Variants in AKAP6 observed in about 807,000 individuals in gnomAD.
AKAP6 encodes A-kinase anchoring protein 6, also known as A-kinase anchor protein 6.
AKAP6 carries 58 observed loss-of-function variants against 188.5 expected under a neutral mutation model. The ratio of observed to expected loss-of-function variants is 0.31; its 90% CI spans 0.25 to 0.38. AKAP6 has a LOEUF of 0.38. Among genes scored for constraint, AKAP6 ranks in the 10% least tolerant of loss-of-function variants. The probability of loss-of-function intolerance (pLI) is 1.00; values close to 1 mark genes in which losing one functional copy is unlikely to be tolerated. For missense variants in AKAP6, 2,710 were observed against 2,740.0 expected (o/e 0.99, Z 0.24); for synonymous variants, 989 against 998.6 (o/e 0.99, Z 0.18).
intron 1 of AKAP6, among the ~76,000 whole-genome samples, chr14:32,430,039 G>A (rs971555554): frequency 1.3e-5 from 2 of 152,228 alleles, no homozygotes; most frequent in African/African-American, 2.4e-5. Flanking sequence ...CACAAAACGT[G>A]TAAATAATGA....
At chr14:32,634,967 G>A (rs775527850) in intron 7 of AKAP6, among the ~76,000 whole-genome samples, 79 of 151,784 alleles carry the variant, frequency 5.2e-4, no homozygotes, top group African/African-American at 2.4e-4. Flanking sequence ...CTTTAGCGGC[G>A]CTTTCTGAGA....
chr14:32,420,909 T>TGTGTGTGTG (rs1889820232), intron 1 of AKAP6, among the ~76,000 whole-genome samples: 1 of 146,410 alleles, frequency 6.8e-6, no homozygotes, highest in Admixed American at 6.9e-5. Flanking sequence ...GGAGATTGAT[T>TGTGTGTGTG]TGTGTGTGTG....
chr14:32,330,775 C>T (rs112712248), intron 1 of AKAP6, among the ~76,000 whole-genome samples: 6 of 125,638 alleles, frequency 4.8e-5, no homozygotes, highest in African/African-American at 1.6e-4. Context: ...TCCCATTAGG[C>T]ACCAGCCAGA....
chr14:32,373,161 C>T (rs891881567), intron 1 of AKAP6, among the ~76,000 whole-genome samples: 3 of 151,822 alleles, frequency 2.0e-5, no homozygotes, highest in East Asian at 3.9e-4. Flanking sequence ...TAGACAGAGC[C>T]GATTCATCAG....
intron 1 of AKAP6, among the ~76,000 whole-genome samples, chr14:32,363,312 A>G (rs745702329): frequency 1.8e-4 from 27 of 152,204 alleles, no homozygotes; most frequent in Non-Finnish European, 3.5e-4. Flanking sequence ...TGTATTAGTC[A>G]GGGTTCTCTA....
intron 1 of AKAP6, among the ~76,000 whole-genome samples, chr14:32,421,930 C>A (rs952525690): frequency 1.5e-4 from 23 of 152,152 alleles, no homozygotes; most frequent in African/African-American, 4.8e-4. Context: ...TTCAGAATGT[C>A]TGCATTAATT....
At chr14:32,342,048 T>C (rs1886906437) in intron 1 of AKAP6, among the ~76,000 whole-genome samples, 1 of 152,004 alleles carries the variant, frequency 6.6e-6, no homozygotes, top group Non-Finnish European at 1.5e-5. Flanking sequence ...CTCTCTTGAG[T>C]CCATGAGTCT....
chr14:32,486,359 G>A (rs982841420), intron 2 of AKAP6, among the ~76,000 whole-genome samples: 3 of 152,144 alleles, frequency 2.0e-5, no homozygotes, highest in Admixed American at 2.0e-4. Flanking sequence ...AAAGAAAGAC[G>A]ATGGTAGCTT....
intron 13 of AKAP6, among the ~76,000 whole-genome samples, chr14:32,828,529 T>A (rs4982009): frequency 4.2e-4 from 32 of 76,022 alleles, no homozygotes; most frequent in Non-Finnish European, 7.2e-4. Flanking sequence ...TCTCTCTCTC[T>A]CACACACACA....
intron 4 of AKAP6, among the ~76,000 whole-genome samples, chr14:32,561,950 G>A (rs1249841515): frequency 6.6e-6 from 1 of 152,206 alleles, no homozygotes; most frequent in Non-Finnish European, 1.5e-5. Context: ...AAGAGTGTGG[G>A]TTCTGTTTCA....
chr14:32,580,807 G>T (rs1450714854), intron 5 of AKAP6, among the ~76,000 whole-genome samples: 2 of 151,846 alleles, frequency 1.3e-5, no homozygotes, highest in South Asian at 2.1e-4. Context: ...TGCGGTGTTC[G>T]TTTTTTGTCC....
rs1331456983 is a variant in AKAP6, at chr14:32,831,259, C to T, written c.*1454C>T. ...AAATATTTCATCTGGCCTTTACTGA[C>T]TCCTGTTAAATGCAGTTTTAAATTT... On this transcript the variant is annotated 3_prime_UTR_variant, in exon 14 of 14. Transcript: ENST00000280979. 6.6e-6 allele frequency: 1 copy of T among 152,156 alleles called. No individual in the cohort carries two copies. Among genetic ancestry groups the T allele is most frequent in the East Asian group, 1.9e-4 (1 of 5,192 alleles). 9.4% of individuals were successfully genotyped at this position (152,156 alleles called of 1,614,324 possible). A position where few individuals can be genotyped will look rare whatever the true frequency, so the allele number is the denominator to read the frequency against.
chr14:32,751,518 T>C (rs2032139341), intron 11 of AKAP6, among the ~76,000 whole-genome samples: 1 of 150,108 alleles, frequency 6.7e-6, no homozygotes. Flanking sequence ...TTTTTTTTGC[T>C]GGGAACTTGG....
chr14:32,658,836 G>T (rs970181266), intron 7 of AKAP6, among the ~76,000 whole-genome samples: 1 of 147,968 alleles, frequency 6.8e-6, no homozygotes, highest in Non-Finnish European at 1.5e-5. Context: ...CCAAAATTCT[G>T]TTTACTCACC....
intron 1 of AKAP6, among the ~76,000 whole-genome samples, chr14:32,366,019 C>A (rs1566466424): frequency 6.6e-6 from 1 of 152,148 alleles, no homozygotes; most frequent in Non-Finnish European, 1.5e-5. Context: ...AGTCCTGCCC[C>A]TTAGGAGGTA....
intron 7 of AKAP6, among the ~76,000 whole-genome samples, chr14:32,647,157 C>T (rs1888018187): frequency 6.6e-6 from 1 of 152,044 alleles, no homozygotes; most frequent in Non-Finnish European, 1.5e-5. Flanking sequence ...AAAAACCGTG[C>T]TTCATATATT....
intron 7 of AKAP6, among the ~76,000 whole-genome samples, chr14:32,672,364 G>T (rs1889240628): frequency 6.6e-6 from 1 of 152,172 alleles, no homozygotes; most frequent in South Asian, 2.1e-4. Context: ...CAGACTGGGT[G>T]GCTAAACAGC....
intron 1 of AKAP6, among the ~76,000 whole-genome samples, chr14:32,376,779 T>C (rs1380422575): frequency 6.6e-6 from 1 of 152,122 alleles, no homozygotes; most frequent in African/African-American, 2.4e-5. Flanking sequence ...TCACTACAAC[T>C]TCCGCCTCCT....
chr14:32,573,265 A>T (rs1380887221), intron 4 of AKAP6, among the ~76,000 whole-genome samples: 1 of 152,234 alleles, frequency 6.6e-6, no homozygotes, highest in East Asian at 1.9e-4. Flanking sequence ...CAGAGAGTAG[A>T]ACATGCATAA....
Sources: gnomAD v4.1 joint callset for allele counts (sites outside exome capture counted in the v4.1 genomes callset) on GRCh38, gnomAD v4.1.1 for gene constraint, MANE v1.5 for transcripts, NCBI Gene and HGNC (gene_info 2026-07-23, HGNC 2026-07-21) for gene names.